The following LGALS4 variants were observed in gnomAD, a reference collection of about 807,000 sequenced individuals.
LGALS4 encodes galectin-4.
LGALS4 carries 37 observed loss-of-function variants against 39.6 expected under a neutral mutation model. The observed-to-expected ratio is 0.93, with a 90% CI of 0.72 to 1.23. The LOEUF is 1.23. Ranked by LOEUF, LGALS4 falls within the 50% of genes most tolerant of loss-of-function variation. The probability of loss-of-function intolerance (pLI) is 0.00; values close to 1 mark genes in which losing one functional copy is unlikely to be tolerated. For missense variants in LGALS4, 397 were observed against 433.2 expected (o/e 0.92, Z 0.74); for synonymous variants, 160 against 165.5 (o/e 0.97, Z 0.25).
chr19:38,810,892 T>C (rs1405715905), intron 2 of LGALS4, among the ~76,000 whole-genome samples: 1 of 149,862 alleles, frequency 6.7e-6, no homozygotes, highest in African/African-American at 2.5e-5. Context: ...ACATCTTACA[T>C]ATTTGACTTT....
intron 2 of LGALS4, among the ~76,000 whole-genome samples, chr19:38,809,214 T>G (rs1971463236): frequency 6.7e-6 from 1 of 149,016 alleles, no homozygotes; most frequent in Admixed American, 6.7e-5. Context: ...AGTCTTGCTC[T>G]GTTGCCCAGG....
chr19:38,809,644 CTTTTTTTTTTTTTTT>C lies in LGALS4; in HGVS notation c.135-711_135-697del. Among the ~76,000 whole-genome samples, 3 of 74,544 alleles carry C rather than the reference CTTTTTTTTTTTTTTT, an allele frequency of 4.0e-5. No homozygotes were observed. In the Admixed American group the frequency reaches 5.5e-4, roughly 14 times the overall value. The allele number at this position is 74,544 out of a possible 152,430, so 48.9% of individuals were successfully genotyped here. A position where few individuals can be genotyped will look rare whatever the true frequency, so the allele number is the denominator to read the frequency against. On this transcript the variant is annotated intron_variant, in intron 2 of 9. Transcript: ENST00000307751. ...TACAGGTGCATGCCACTATGCCTGG[CTTTTTTTTTTTTTTT>C]TTTTTTTTTTTGTAGAGATGGGGTC...
At chr19:38,808,975 C>G in intron 2 of LGALS4, 27 bp from the exon 3 acceptor site, 4 of 1,561,992 alleles carry the variant, frequency 2.6e-6, no homozygotes, top group Non-Finnish European at 3.5e-6. Flanking sequence ...GGCTCATTCC[C>G]CTGGTGCCAC....
intron 7 of LGALS4, chr19:38,803,160 G>GC (rs1477835095): frequency 7.8e-5 from 19 of 244,384 alleles, no homozygotes; most frequent in Non-Finnish European, 3.2e-5. Flanking sequence ...GATTACAGGC[G>GC]CGCGCCACCA....
At chr19:38,806,327 C>A in intron 4 of LGALS4, 134 bp downstream of exon 4, 1 of 940,622 alleles carries the variant, frequency 1.1e-6, no homozygotes, top group Non-Finnish European at 1.6e-6. Context: ...AAGATCGCGC[C>A]ACTGCACTCC....
rs368961041 is a variant in LGALS4, at chr19:38,803,832, T to G, written c.501+37A>C. ...GGTGAGAGGGGCTGAGGGACCCCAC[T>G]AGGGAGGAAGACCCTCACCTATCAG... On this transcript the variant is annotated intron_variant, in intron 5 of 9. Coordinates refer to ENST00000307751, the MANE Select transcript of LGALS4 (RefSeq NM_006149.4). 3.1e-5 allele frequency: 50 copies of G among 1,612,876 alleles called. No individual in the cohort carries two copies. The African/African-American group carries it at 5.6e-4, about 18-fold the overall frequency.
chr19:38,810,903 T>TC (rs1354503734), intron 2 of LGALS4, among the ~76,000 whole-genome samples: 1 of 149,870 alleles, frequency 6.7e-6, no homozygotes, highest in Non-Finnish European at 1.5e-5. Context: ...ATTTGACTTT[T>TC]TTTTTTTTTT....
chr19:38,812,595 C>T (rs753678967), intron 1 of LGALS4, 76 bp from the exon 2 acceptor site: 1 of 1,379,850 alleles, frequency 7.2e-7, no homozygotes, highest in East Asian at 2.3e-5. Flanking sequence ...GAAAAGCCCC[C>T]CAGTCCCTTA....
chr19:38,812,570 C>A, intron 1 of LGALS4, 51 bp from the exon 2 acceptor site: 1 of 1,530,920 alleles, frequency 6.5e-7, no homozygotes, highest in Non-Finnish European at 9.0e-7. Flanking sequence ...CCTGTTGCAG[C>A]CTTTACCCCT....
At chr19:38,806,438 A>C (rs1369518636) in intron 4 of LGALS4, 23 bp downstream of exon 4, 1 of 1,606,776 alleles carries the variant, frequency 6.2e-7, no homozygotes. Context: ...AAAGGACGCA[A>C]GAAGGGATGG....
intron 3 of LGALS4, among the ~76,000 whole-genome samples, chr19:38,807,427 A>G (rs1390306124): frequency 6.6e-6 from 1 of 152,202 alleles, no homozygotes; most frequent in Non-Finnish European, 1.5e-5. Context: ...GGAAATACAC[A>G]TGAAATGTAT....
rs1248560150 is a variant in LGALS4 at position 38,804,377 on chromosome 19, T to G, written c.475-482A>C. On this transcript the variant is annotated intron_variant, in intron 4 of 9. Transcript: ENST00000307751. ...TCACCTCAACCTCTGCCTCCTGGGTTCAAGTGATTCTCCTGCCTCAGCCTC... is the reference window on the plus strand; with the variant it reads ...TCACCTCAACCTCTGCCTCCTGGGTGCAAGTGATTCTCCTGCCTCAGCCTC... Among the ~76,000 whole-genome samples the G allele has an allele frequency of 2.6e-5, 4 of 152,118 alleles. No individual in the cohort carries two copies. The South Asian group carries it at 6.2e-4, about 24-fold the overall frequency.
Position 38,808,703 on chromosome 19 carries a change from C to G in LGALS4, c.339+41G>C, listed in dbSNP as rs755390774. 5.2e-6 allele frequency: 8 copies of G among 1,525,704 alleles called. No individual in the cohort carries two copies. The South Asian group carries it at 5.6e-5, about 11-fold the overall frequency. The allele number at this position is 1,525,704 out of a possible 1,614,324, so 94.5% of individuals were successfully genotyped here. On this transcript the variant is annotated intron_variant, in intron 3 of 9. Coordinates refer to ENST00000307751, the MANE Select transcript of LGALS4 (RefSeq NM_006149.4). ...GAAGGAAGCAGCCAAGATGGCGCCA[C>G]TGCACTCCAGCTTGGGAAACAAGAG...
chr19:38,809,173 C>CTTTTT (rs34677297), intron 2 of LGALS4, among the ~76,000 whole-genome samples: 2 of 104,914 alleles, frequency 1.9e-5, no homozygotes, highest in Admixed American at 1.1e-4. Context: ...GCCTTTCCTT[C>CTTTTT]TTTTTTTTTT....
Position 38,812,489 on chromosome 19 carries a change from C to A in LGALS4, c.76G>T (p.Gly26Trp), listed in dbSNP as rs568822370. 6.2e-7 allele frequency: 1 copy of A among 1,614,196 alleles called. No homozygotes were observed. The highest frequency in any genetic ancestry group is 1.1e-5 in the South Asian group (1 of 91,086). The change falls in exon 2 of 10, where the codon GGG becomes TGG. Residue 26 changes from glycine to tryptophan, a missense_variant. Coordinates refer to ENST00000307751, the MANE Select transcript of LGALS4 (RefSeq NM_006149.4). ...TLPYYQPIPG[G>W]LNVGMSVYIQ... ...TAAACAGACATTCCCACGTTGAGCC[C>A]GCCCGGGATGGGCTGGTAGTAAGGC...
rs761664771 is a variant in LGALS4, at chr19:38,812,851, G to A, written c.36C>T (p.Thr12=). ...AYVPAPGYQP[T]YNPTLPYYQP... is the part of the protein sequence containing the mutation. The stretch of plus-strand genomic sequence containing the variant: ...TGAGCTGGCATCTCACCGGGTTGTA[G>A]GTGGGCTGGTAGCCCGGTGCGGGGA... Residue 12 remains threonine, a synonymous_variant, in exon 1 of 10, where the codon ACC becomes ACT. Transcript: ENST00000307751. The A allele has an allele frequency of 3.1e-5, 50 of 1,611,878 alleles. 1 individual carries two copies. In the Middle Eastern group the frequency reaches 5.0e-4, roughly 16 times the overall value.
intron 2 of LGALS4, 79 bp from the exon 3 acceptor site, chr19:38,809,027 GC>G: frequency 1.6e-6 from 2 of 1,277,946 alleles, no homozygotes; most frequent in Non-Finnish European, 2.2e-6. Context: ...CCCTCTCCCT[GC>G]CGCCCTGTCC....
intron 3 of LGALS4, among the ~76,000 whole-genome samples, chr19:38,807,324 A>C (rs1182442386): frequency 1.3e-5 from 2 of 151,684 alleles, no homozygotes; most frequent in African/African-American, 4.9e-5. Context: ...AGCTGTTTGC[A>C]TCACTGCACT....
At chr19:38,808,720 A>C in intron 3 of LGALS4, 24 bp downstream of exon 3, 1 of 1,602,740 alleles carries the variant, frequency 6.2e-7, no homozygotes, top group Non-Finnish European at 8.5e-7. Flanking sequence ...CCAGCTTGGG[A>C]AACAAGAGAG....
Sources: gnomAD v4.1 joint callset for allele counts (sites outside exome capture counted in the v4.1 genomes callset) on GRCh38, gnomAD v4.1.1 for gene constraint, MANE v1.5 for transcripts, NCBI Gene and HGNC (gene_info 2026-07-23, HGNC 2026-07-21) for gene names.